MTHFD1L: variants seen among roughly 807,000 people sequenced by gnomAD.
MTHFD1L encodes the protein monofunctional C1-tetrahydrofolate synthase, mitochondrial.
In MTHFD1L, 81 loss-of-function variants were observed where a neutral mutation model predicts 119.5. That is an observed-to-expected ratio of 0.68 (90% CI 0.57 to 0.82). MTHFD1L has a LOEUF of 0.82. Ranked by LOEUF, MTHFD1L falls within the 40% of genes least tolerant of loss-of-function variation. MTHFD1L has a pLI of 0.00. For missense variants in MTHFD1L, 1,125 were observed against 1,253.4 expected (o/e 0.90, Z 1.55); for synonymous variants, 430 against 475.2 (o/e 0.90, Z 1.24).
In MTHFD1L at chr6:150,926,291, G is replaced by T; in HGVS notation, c.1252G>T (p.Ala418Ser). Residue 418 changes from alanine to serine, a missense_variant, in exon 11 of 28, where the codon GCT (alanine) becomes TCT (serine). Around this residue, in one of 3 missense-constraint regions of MTHFD1L, gnomAD observed 1,058 missense variants for 1,151.2 expected, o/e 0.92. Transcript: ENST00000367321. The surrounding 1 kb of genome is among the most constrained non-coding windows in gnomAD (Gnocchi z 4.3). ...AGCAGATGGAAAATACGTCTTAGTTGCTGGGTAAGACACCATCTAACATCT... is the reference window on the plus strand; with the variant it reads ...AGCAGATGGAAAATACGTCTTAGTTTCTGGGTAAGACACCATCTAACATCT... ...DQADGKYVLV[A>S]GITPTPLGEG... 2.5e-6 allele frequency: 4 copies of T among 1,610,286 alleles called. No individual in the cohort carries two copies. Among genetic ancestry groups the T allele is most frequent in the Non-Finnish European group, 3.4e-6 (4 of 1,177,194 alleles).
At chr6:150,870,244 A>G (rs1779170730) in intron 1 of MTHFD1L, among the ~76,000 whole-genome samples, 1 of 152,224 alleles carries the variant, frequency 6.6e-6, no homozygotes, top group South Asian at 2.1e-4. Context: ...TGCCCCAAGG[A>G]CATGAAAATC....
At position 151,039,359 on chromosome 6, in the gene MTHFD1L, G is replaced by A. The variant is rs1379430488; in HGVS notation, c.2847+2242G>A. On this transcript the variant is annotated intron_variant, in intron 26 of 27. Transcript: ENST00000367321. The surrounding 1 kb of genome is among the most constrained non-coding windows in gnomAD (Gnocchi z 4.4). ...GCGTTTGACTGCAGAGGGGCAGGAG[G>A]GAACTTTTTGGGATAATGCAAATAC... 6.6e-6 allele frequency among the ~76,000 whole-genome samples: 1 copy of A among 152,130 alleles called. No homozygotes were observed. The highest frequency in any genetic ancestry group is 2.4e-5 in the African/African-American group (1 of 41,428).
intron 1 of MTHFD1L, chr6:150,866,265 C>A (rs1778281771): frequency 6.9e-6 from 10 of 1,446,240 alleles, no homozygotes; most frequent in Admixed American, 2.5e-5. Flanking sequence ...CCCGACCGGG[C>A]CCGCAGCGCA....
chr6:150,891,332 G>A (rs1783230250), intron 7 of MTHFD1L, among the ~76,000 whole-genome samples: 1 of 151,508 alleles, frequency 6.6e-6, no homozygotes, highest in Non-Finnish European at 1.5e-5. Context: ...AACCCAAGTT[G>A]CAGAAGGATG....
At chr6:150,967,069 A>G (rs1797317106) in intron 19 of MTHFD1L, among the ~76,000 whole-genome samples, 2 of 151,784 alleles carry the variant, frequency 1.3e-5, no homozygotes, top group Admixed American at 1.3e-4. Flanking sequence ...CCTCAGAGGT[A>G]GGCCATCTTA....
At position 150,944,532 on chromosome 6, in the gene MTHFD1L, A is replaced by G. The variant is rs769705393; in HGVS notation, c.1487A>G (p.Asn496Ser). 1.2e-6 allele frequency: 2 copies of G among 1,614,040 alleles called. No homozygotes were observed. The highest frequency in any genetic ancestry group is 1.1e-5 in the South Asian group (1 of 91,020). The change falls in exon 14 of 28, where the codon AAT (asparagine) becomes AGT (serine). Residue 496 changes from asparagine (N) to serine (S), a missense_variant. By Grantham distance (46) the Asn-to-Ser change is conservative. Transcript: ENST00000367321. ...GACATCCACGCCATCACCGCTGCCA[A>G]TAACTTGCTGGCTGCCGCCATCGAC... ...TGDIHAITAA[N>S]NLLAAAIDTR...
At chr6:151,037,209 G>A in intron 26 of MTHFD1L, 92 bp downstream of exon 26, 3 of 1,387,770 alleles carry the variant, frequency 2.2e-6, no homozygotes, top group Non-Finnish European at 3.0e-6. Flanking sequence ...TAAAAATCAT[G>A]GATTAGGGAA....
At chr6:151,061,500 G>C (rs1001776123) in intron 26 of MTHFD1L, among the ~76,000 whole-genome samples, 2 of 152,228 alleles carry the variant, frequency 1.3e-5, no homozygotes, top group African/African-American at 4.8e-5. Flanking sequence ...TTGTCAGTTA[G>C]AGGATAGTTG....
intron 26 of MTHFD1L, among the ~76,000 whole-genome samples, chr6:151,068,936 G>A (rs1445262331): frequency 6.6e-6 from 1 of 152,142 alleles, no homozygotes; most frequent in African/African-American, 2.4e-5. Flanking sequence ...ATTGATCATG[G>A]GATCCCGCTT....
chr6:150,906,991 C>T (rs1490641177), intron 8 of MTHFD1L, among the ~76,000 whole-genome samples: 1 of 149,820 alleles, frequency 6.7e-6, no homozygotes, highest in African/African-American at 2.5e-5. Flanking sequence ...GTAATTTATT[C>T]ATATAACTTT....
chr6:151,060,159 G>T (rs1790453399), intron 26 of MTHFD1L, among the ~76,000 whole-genome samples: 1 of 152,198 alleles, frequency 6.6e-6, no homozygotes, highest in Admixed American at 6.5e-5. Flanking sequence ...TCAGAAAAGG[G>T]AGCCCTGAAG....
At chr6:150,887,743 C>A in intron 6 of MTHFD1L, 102 bp from the exon 7 acceptor site, 5 of 1,270,238 alleles carry the variant, frequency 3.9e-6, no homozygotes, top group Non-Finnish European at 5.3e-6. Context: ...AGGCATGAGC[C>A]ACCACACCCA....
In MTHFD1L at chr6:150,925,981, G is replaced by A. The variant is rs149003640; in HGVS notation, c.1083-141G>A. 1,972 of 645,194 alleles carry A rather than the reference G, an allele frequency of 3.1e-3. 6 individuals are homozygous for A. The highest frequency in any genetic ancestry group is 3.8e-3 in the Non-Finnish European group (1,437 of 379,722). The allele number at this position is 645,194 out of a possible 1,614,324, so 40.0% of individuals were successfully genotyped here. On this transcript the variant is annotated intron_variant, in intron 10 of 27. Coordinates refer to ENST00000367321, the MANE Select transcript of MTHFD1L (RefSeq NM_015440.5). Reference sequence around the variant, plus strand: ...ATACACGTTAATTATTAGCAGTTGTGCTTATTACTGCCTGGGAGAAAGGAC... The same window carrying A: ...ATACACGTTAATTATTAGCAGTTGTACTTATTACTGCCTGGGAGAAAGGAC...
chr6:150,925,386 C>G lies in MTHFD1L; in HGVS notation c.1083-736C>G, dbSNP rs77819344. ...GCACATGAGCCCCAGAGGAAAGAGT[C>G]CAGCATTACACATGCTGGTATCCAG... On this transcript the variant is annotated intron_variant, in intron 10 of 27. Coordinates refer to ENST00000367321, the MANE Select transcript of MTHFD1L (RefSeq NM_015440.5). Among the ~76,000 whole-genome samples, 1,184 of 152,192 alleles carry G rather than the reference C, an allele frequency of 7.8e-3. 48 individuals carry two copies. The East Asian group carries it at 0.11, about 14-fold the overall frequency.
chr6:150,948,111 G>A (rs535689576), intron 15 of MTHFD1L, among the ~76,000 whole-genome samples: 34 of 152,060 alleles, frequency 2.2e-4, no homozygotes, highest in African/African-American at 6.5e-4. Context: ...AGGTTAAAGC[G>A]ATTCTCCTGC....
At position 150,882,799 on chromosome 6, in the gene MTHFD1L, G is replaced by A. The variant is rs200199559; in HGVS notation, c.455G>A (p.Arg152Lys). Residue 152 changes from arginine to lysine, a missense_variant, in exon 5 of 28, where the codon AGA becomes AAA. Transcript: ENST00000367321. ...ATCTTAAAGATCAATGAAGATACCA[G>A]AGTACATGGCCTTGCCCTTCAGATC... ...DEILKINEDTRVHGLALQISE... is the reference protein window; with the variant it reads ...DEILKINEDTKVHGLALQISE... The A allele has an allele frequency of 4.2e-4, 661 of 1,560,842 alleles. 5 individuals carry two copies. The highest frequency in any genetic ancestry group is 3.3e-4 in the Non-Finnish European group (380 of 1,161,330).
intron 10 of MTHFD1L, among the ~76,000 whole-genome samples, chr6:150,925,668 A>G (rs1247835228): frequency 1.3e-5 from 2 of 152,132 alleles, no homozygotes; most frequent in African/African-American, 4.8e-5. Flanking sequence ...CTTAATCTCT[A>G]ATGTGATAGT....
chr6:150,904,447 G>A (rs1015649625), intron 7 of MTHFD1L, among the ~76,000 whole-genome samples: 2 of 152,180 alleles, frequency 1.3e-5, no homozygotes, highest in Non-Finnish European at 2.9e-5. Flanking sequence ...ACATACCGTA[G>A]AGCTGTTTAT....
Position 151,072,767 on chromosome 6 carries a change from C to T in MTHFD1L, c.2848-19700C>T, listed in dbSNP as rs183099595. Reference sequence around the variant, plus strand: ...TTGCAGTGAGCGGAGATTGTGCCTCCTCTGCACTCCAGCCTGGATGACAGA... The same window carrying T: ...TTGCAGTGAGCGGAGATTGTGCCTCTTCTGCACTCCAGCCTGGATGACAGA... On this transcript the variant is annotated intron_variant, in intron 26 of 27. Coordinates refer to ENST00000367321, the MANE Select transcript of MTHFD1L (RefSeq NM_015440.5). 2.3e-4 allele frequency among the ~76,000 whole-genome samples: 35 copies of T among 152,064 alleles called. 1 individual carries two copies. Among genetic ancestry groups the T allele is most frequent in the Middle Eastern group, 6.8e-3 (2 of 294 alleles).
Sources: gnomAD v4.1 joint callset for allele counts (sites outside exome capture counted in the v4.1 genomes callset) on GRCh38, gnomAD v4.1.1 for gene constraint, gnomAD v4.1.1 regional missense constraint, Gnocchi (gnomAD v3.1) non-coding constraint, MANE v1.5 for transcripts, NCBI Gene and HGNC (gene_info 2026-07-23, HGNC 2026-07-21) for gene names.